C1R: variants seen among roughly 807,000 people sequenced by gnomAD.
The protein encoded by C1R is complement C1r.
In C1R, 15 loss-of-function variants were observed where a neutral mutation model predicts 27.6. The ratio of observed to expected loss-of-function variants is 0.54; its 90% CI spans 0.36 to 0.84. C1R has a LOEUF of 0.84. C1R is among the 40% of genes least tolerant of loss of function. C1R has a pLI of 0.01. For synonymous variants in C1R, 253 were observed against 228.8 expected (o/e 1.11, Z -0.95); for missense variants, 544 against 577.9 (o/e 0.94, Z 0.60).
chr12:7,085,699 C>G (rs1938145720), intron 9 of C1R, among the ~76,000 whole-genome samples, 162 bp downstream of exon 9: 1 of 152,090 alleles, frequency 6.6e-6, no homozygotes, highest in Non-Finnish European at 1.5e-5. Flanking sequence ...CCTCCTTCTT[C>G]AAACCTACTA....
In C1R at chr12:7,089,387, C is replaced by T. The variant is rs769328977; in HGVS notation, c.674G>A (p.Arg225Gln). 8 of 780,420 alleles carry T rather than the reference C, an allele frequency of 1.0e-5. No homozygotes were observed. Among genetic ancestry groups the T allele is most frequent in the South Asian group, 2.7e-5 (2 of 74,586 alleles). 48.3% of individuals were successfully genotyped at this position (780,420 alleles called of 1,614,324 possible). Reference sequence around the variant, plus strand: ...GTGCAGGGTGAGGCCCCGCTCCACCCGGATGCTGTAGTTGCAGCGCAGGTC... The same window carrying T: ...GTGCAGGGTGAGGCCCCGCTCCACCTGGATGCTGTAGTTGCAGCGCAGGTC... ...PPDLRCNYSI[R>Q]VERGLTLHLK... is the part of the protein sequence containing the mutation. Residue 225 changes from arginine (R) to glutamine (Q), a missense_variant, in exon 5 of 11, where the codon CGG (arginine) becomes CAG (glutamine). Coordinates refer to ENST00000647956, the MANE Select transcript of C1R (RefSeq NM_001733.7).
At chr12:7,087,971 G>A (rs1938180355) in intron 7 of C1R, 1 of 157,508 alleles carries the variant, frequency 6.3e-6, no homozygotes, top group South Asian at 1.9e-4. Flanking sequence ...TTGTGAGATT[G>A]ATCAATGGAT....
In C1R at chr12:7,080,761, A is replaced by G. The variant is rs771080279; in HGVS notation, c.1889T>C (p.Met630Thr). 2.5e-6 allele frequency: 4 copies of G among 1,613,998 alleles called. No homozygotes were observed. The South Asian group carries it at 4.4e-5, about 18-fold the overall frequency. The change falls in exon 11 of 11, where the codon ATG becomes ACG. Residue 630 changes from methionine to threonine, a missense_variant. Transcript: ENST00000647956. This position sits in a 1 kb window ranked among gnomAD's most constrained non-coding sequence, Gnocchi z 4.9. ...CENWLRGKNR[M>T]DVFSQNMFCA... Reference sequence around the variant, plus strand: ...GAACATGTTTTGAGAGAACACATCCATCCTATTCTTTCCCCGGAGCCAGTT... The same window carrying G: ...GAACATGTTTTGAGAGAACACATCCGTCCTATTCTTTCCCCGGAGCCAGTT...
At chr12:7,082,821 G>A (rs1239203528) in intron 9 of C1R, among the ~76,000 whole-genome samples, 4 of 152,164 alleles carry the variant, frequency 2.6e-5, no homozygotes, top group East Asian at 1.9e-4. Flanking sequence ...TTATCTGCAC[G>A]ATCTCATTTA....
chr12:7,085,745 C>T (rs1938146601), intron 9 of C1R, 116 bp downstream of exon 9: 1 of 397,012 alleles, frequency 2.5e-6, no homozygotes, highest in Admixed American at 4.4e-5. Context: ...GCCCCTGAAG[C>T]CAGTGCCCTG....
rs748352358 is a variant in C1R at position 7,080,490 on chromosome 12, T to C, written c.*42A>G. ...GGTCAGTTGTTTTTTGTTTTTTTTT[T>C]TCCACACTGCTCTCTGGATTCGAAC... On this transcript the variant is annotated 3_prime_UTR_variant, in exon 11 of 11. Coordinates refer to ENST00000647956, the MANE Select transcript of C1R (RefSeq NM_001733.7). The surrounding 1 kb of genome is among the most constrained non-coding windows in gnomAD (Gnocchi z 4.9). 76 of 1,511,126 alleles carry C rather than the reference T, an allele frequency of 5.0e-5. No individual in the cohort carries two copies. The highest frequency in any genetic ancestry group is 6.2e-5 in the Non-Finnish European group (70 of 1,130,886). 93.6% of individuals were successfully genotyped at this position (1,511,126 alleles called of 1,614,324 possible).
At position 7,090,231 on chromosome 12, in the gene C1R, T is replaced by C. The variant is rs760225012; in HGVS notation, c.249A>G (p.Lys83=). Residue 83 remains lysine (K), a synonymous_variant, in exon 3 of 11, where the codon AAA becomes AAG. Transcript: ENST00000647956. ...YDYVKISADK[K]SLGRFCGQLG... ...GTTGCCCACAGAACCTCCCCAGGCT[T>C]TTCTTATCAGCAGAGATCTGGTGGA... The C allele has an allele frequency of 2.7e-6, 2 of 735,646 alleles. No homozygotes were observed. The highest frequency in any genetic ancestry group is 5.1e-5 in the East Asian group (2 of 39,028). The allele number at this position is 735,646 out of a possible 1,614,324, so 45.6% of individuals were successfully genotyped here. A position where few individuals can be genotyped will look rare whatever the true frequency, so the allele number is the denominator to read the frequency against.
At position 7,091,699 on chromosome 12, in the gene C1R, G is replaced by C. The variant is rs80310619; in HGVS notation, c.3-19C>G. On this transcript the variant is annotated intron_variant, in intron 1 of 10. Transcript: ENST00000647956. This position sits in a 1 kb window ranked among gnomAD's most constrained non-coding sequence, Gnocchi z 5.1. ...GAGCCACCTGCCAAAACAAAAGAGA[G>C]TATCTGGAGCTGGAGGGGTTCAGCA... 1.1e-3 allele frequency: 821 copies of C among 722,618 alleles called. 8 individuals carry two copies. The East Asian group carries it at 0.021, about 19-fold the overall frequency. 44.8% of individuals were successfully genotyped at this position (722,618 alleles called of 1,614,324 possible).
chr12:7,089,329 G>A lies in C1R; in HGVS notation c.732C>T (p.Asp244=). ...LKFLEPFDID[D]HQQVHCPYDQ... is the part of the protein sequence containing the mutation. ...CATAGGGGCAGTGTACTTGCTGGTG[G>A]TCATCAATATCAAAAGGCTCCAGGA... Residue 244 remains aspartate, a synonymous_variant, in exon 5 of 11, where the codon GAC becomes GAT. Coordinates refer to ENST00000647956, the MANE Select transcript of C1R (RefSeq NM_001733.7). 1.3e-6 allele frequency: 1 copy of A among 780,570 alleles called. No homozygotes were observed. The highest frequency in any genetic ancestry group is 1.7e-5 in the Admixed American group (1 of 59,000). 48.4% of individuals were successfully genotyped at this position (780,570 alleles called of 1,614,324 possible). A position where few individuals can be genotyped will look rare whatever the true frequency, so the allele number is the denominator to read the frequency against.
In C1R at chr12:7,089,470, C is replaced by T. The variant is rs770450354; in HGVS notation, c.591G>A (p.Leu197=). 3.9e-6 allele frequency: 3 copies of T among 776,518 alleles called. No individual in the cohort carries two copies. The highest frequency in any genetic ancestry group is 7.2e-6 in the Non-Finnish European group (3 of 415,058). The allele number at this position is 776,518 out of a possible 1,614,324, so 48.1% of individuals were successfully genotyped here. A position where few individuals can be genotyped will look rare whatever the true frequency, so the allele number is the denominator to read the frequency against. Residue 197 remains leucine, a synonymous_variant, in exon 5 of 11, where the codon CTG becomes CTA. Transcript: ENST00000647956. ...AGATGTAGCCTGATGCCTCCGTGTA[C>T]AGCTCGCTGCTGCACTCAGCTGTGA... is the stretch of plus-strand genomic sequence containing the variant. ...HSCQAECSSE[L]YTEASGYISS...
rs749274074 is a variant in C1R, at chr12:7,088,897, C to G, written c.858G>C (p.Leu286=). 6 of 776,804 alleles carry G rather than the reference C, an allele frequency of 7.7e-6. No individual in the cohort carries two copies. The Admixed American group carries it at 8.6e-5, about 11-fold the overall frequency. The allele number at this position is 776,804 out of a possible 1,614,324, so 48.1% of individuals were successfully genotyped here. ...TGTCCCCCGACTCATCTGTGAAGAA[C>G]AGCAGATCCACAGCATTGCTGCTGG... ...LDTSSNAVDL[L]FFTDESGDSR... Residue 286 remains leucine, a synonymous_variant, in exon 6 of 11, where the codon CTG becomes CTC. Transcript: ENST00000647956.
At chr12:7,088,779 T>C in intron 6 of C1R, 48 bp from the exon 7 acceptor site, 1 of 775,804 alleles carries the variant, frequency 1.3e-6, no homozygotes, top group Non-Finnish European at 2.4e-6. Flanking sequence ...CACTTGTCCT[T>C]CCTTCTTCCC....
At chr12:7,081,462 CTCT>C (rs1184635322) in intron 10 of C1R, among the ~76,000 whole-genome samples, 161 bp from the exon 11 acceptor site, 5 of 151,182 alleles carry the variant, frequency 3.3e-5, no homozygotes, top group Non-Finnish European at 7.4e-5. Context: ...TATTGACAGG[CTCT>C]TCTTGTTCTT....
chr12:7,090,319 G>C (rs1938246254), intron 2 of C1R, 71 bp from the exon 3 acceptor site: 1 of 671,306 alleles, frequency 1.5e-6, no homozygotes, highest in African/African-American at 1.8e-5. Context: ...CTCAGTGATG[G>C]TCCTCCTTGT....
Position 7,092,376 on chromosome 12 carries a change from C to A in C1R, c.2+11G>T. 1 of 780,892 alleles carries A rather than the reference C, an allele frequency of 1.3e-6. No homozygotes were observed. The highest frequency in any genetic ancestry group is 2.4e-6 in the Non-Finnish European group (1 of 417,986). 48.4% of individuals were successfully genotyped at this position (780,892 alleles called of 1,614,324 possible). On this transcript the variant is annotated intron_variant, in intron 1 of 10. Coordinates refer to ENST00000647956, the MANE Select transcript of C1R (RefSeq NM_001733.7). ...CTCCCTCCCACCTGGTTGCCCATCA[C>A]CCTTACTCACATTTCTCAAGGCCCG...
chr12:7,080,390 C>T lies in C1R; in HGVS notation c.*142G>A, dbSNP rs1190354039. ...CAGGTAAAGTACATCAATGGGACTA[C>T]AGGAAAGAGAATTTCACACACGGTC... On this transcript the variant is annotated 3_prime_UTR_variant, in exon 11 of 11. Transcript: ENST00000647956. The surrounding 1 kb of genome is among the most constrained non-coding windows in gnomAD (Gnocchi z 4.9). 3.5e-6 allele frequency: 5 copies of T among 1,413,086 alleles called. No individual in the cohort carries two copies. In the East Asian group the frequency reaches 7.5e-5, roughly 21 times the overall value. 87.5% of individuals were successfully genotyped at this position (1,413,086 alleles called of 1,614,324 possible). A position where few individuals can be genotyped will look rare whatever the true frequency, so the allele number is the denominator to read the frequency against.
chr12:7,089,381 T>C lies in C1R; in HGVS notation c.680A>G (p.Glu227Gly), dbSNP rs1427473354. The change falls in exon 5 of 11, where the codon GAG becomes GGG. Residue 227 changes from glutamate to glycine, a missense_variant. Glu to Gly is a moderately conservative substitution (Grantham distance 98). This residue lies in a region of C1R where 291 missense variants were observed against 209.0 expected (regional missense o/e 1.39). Coordinates refer to ENST00000647956, the MANE Select transcript of C1R (RefSeq NM_001733.7). The part of the protein sequence containing the change: ...DLRCNYSIRV[E>G]RGLTLHLKFL... ...CTTGAGGTGCAGGGTGAGGCCCCGCTCCACCCGGATGCTGTAGTTGCAGCG... is the reference window on the plus strand; with the variant it reads ...CTTGAGGTGCAGGGTGAGGCCCCGCCCCACCCGGATGCTGTAGTTGCAGCG... The C allele has an allele frequency of 1.3e-6, 1 of 780,596 alleles. No individual in the cohort carries two copies. Among genetic ancestry groups the C allele is most frequent in the Admixed American group, 1.7e-5 (1 of 58,986 alleles). 48.4% of individuals were successfully genotyped at this position (780,596 alleles called of 1,614,324 possible). A position where few individuals can be genotyped will look rare whatever the true frequency, so the allele number is the denominator to read the frequency against.
intron 1 of C1R, 107 bp downstream of exon 1, chr12:7,092,280 G>A: frequency 2.6e-6 from 2 of 769,864 alleles, no homozygotes; most frequent in Non-Finnish European, 2.4e-6. Flanking sequence ...GAACTGATGA[G>A]GTGTGTGAAG....
rs369559291 is a variant in C1R at position 7,088,656 on chromosome 12, C to T, written c.992G>A (p.Arg331His). Residue 331 changes from arginine to histidine, a missense_variant, in exon 7 of 11, where the codon CGT becomes CAT. Transcript: ENST00000647956. Reference sequence around the variant, plus strand: ...CTTGCAGGTAGCAATGAAGTAGTCACGGAACTGGTACTGAGGCTGCAGGTT... The same window carrying T: ...CTTGCAGGTAGCAATGAAGTAGTCATGGAACTGGTACTGAGGCTGCAGGTT... ...IQNLQPQYQFRDYFIATCKQG... is the reference protein window; with the variant it reads ...IQNLQPQYQFHDYFIATCKQG... 20 of 750,678 alleles carry T rather than the reference C, an allele frequency of 2.7e-5. No homozygotes were observed. The highest frequency in any genetic ancestry group is 3.4e-5 in the African/African-American group (2 of 58,646). The allele number at this position is 750,678 out of a possible 1,614,324, so 46.5% of individuals were successfully genotyped here.
Sources: allele counts gnomAD v4.1 joint callset (sites outside exome capture counted in the v4.1 genomes callset), GRCh38; gene constraint gnomAD v4.1.1; regional missense constraint gnomAD v4.1.1; non-coding constraint Gnocchi (gnomAD v3.1); transcripts MANE v1.5; gene names NCBI Gene and HGNC (gene_info 2026-07-23, HGNC 2026-07-21).